Variants in AUTS2 observed in about 807,000 individuals in gnomAD.
AUTS2 encodes the protein autism susceptibility gene 2 protein.
A neutral mutation model predicts 112.4 loss-of-function variants in AUTS2; 17 were observed. That is an observed-to-expected ratio of 0.15 (90% CI 0.10 to 0.23). The LOEUF is 0.23. AUTS2 is among the 10% of genes least tolerant of loss of function. The pLI is 1.00. For missense variants in AUTS2, 1,510 were observed against 1,701.6 expected (o/e 0.89, Z 1.98); for synonymous variants, 751 against 702.7 (o/e 1.07, Z -1.09).
intron 5 of AUTS2, among the ~76,000 whole-genome samples, chr7:70,526,394 G>T (rs191575368): frequency 2.8e-4 from 43 of 152,274 alleles, no homozygotes; most frequent in African/African-American, 9.6e-4. Context: ...TTCTGAGGCC[G>T]TGTGCGGTGG....
At chr7:70,256,593 T>C (rs1369175464) in intron 4 of AUTS2, among the ~76,000 whole-genome samples, 1 of 152,154 alleles carries the variant, frequency 6.6e-6, no homozygotes, top group Non-Finnish European at 1.5e-5. Context: ...GTCCTGCAAG[T>C]TGGTATTATC....
intron 1 of AUTS2, among the ~76,000 whole-genome samples, chr7:69,888,763 G>C (rs1008911567): frequency 1.3e-5 from 2 of 151,234 alleles, no homozygotes; most frequent in Non-Finnish European, 2.9e-5. Context: ...TAGTAGAGAC[G>C]GGGTTTTACC....
chr7:70,221,668 C>T (rs1039796583), intron 4 of AUTS2, among the ~76,000 whole-genome samples: 1 of 152,222 alleles, frequency 6.6e-6, no homozygotes, highest in African/African-American at 2.4e-5. Flanking sequence ...GGGCAGATCA[C>T]CTGAGGTCAG....
At chr7:70,558,348 C>T (rs1801336789) in intron 5 of AUTS2, among the ~76,000 whole-genome samples, 1 of 152,148 alleles carries the variant, frequency 6.6e-6, no homozygotes, top group Non-Finnish European at 1.5e-5. Flanking sequence ...TTTCAACTGT[C>T]CCAGCTCTTC....
chr7:70,646,763 T>C (rs1177862835), intron 5 of AUTS2, among the ~76,000 whole-genome samples: 1 of 152,202 alleles, frequency 6.6e-6, no homozygotes, highest in African/African-American at 2.4e-5. Context: ...AGGCGGCTGC[T>C]CAAGGCCCGC....
chr7:69,783,024 C>A (rs954817841), intron 1 of AUTS2, among the ~76,000 whole-genome samples: 1 of 151,698 alleles, frequency 6.6e-6, no homozygotes, highest in East Asian at 1.9e-4. Context: ...GTCCCCTGGG[C>A]ATGCCCAGCC....
At chr7:70,661,771 C>G (rs1807088012) in intron 5 of AUTS2, among the ~76,000 whole-genome samples, 1 of 151,884 alleles carries the variant, frequency 6.6e-6, no homozygotes, top group Non-Finnish European at 1.5e-5. Flanking sequence ...GGAGGTGGAC[C>G]CAGGCTGTGT....
At chr7:70,065,633 G>T (rs1162370560) in intron 2 of AUTS2, among the ~76,000 whole-genome samples, 1 of 152,082 alleles carries the variant, frequency 6.6e-6, no homozygotes, top group Admixed American at 6.5e-5. Flanking sequence ...AGAGGCGGAG[G>T]TTATGGTGAG....
intron 4 of AUTS2, among the ~76,000 whole-genome samples, chr7:70,288,422 T>G: frequency 6.6e-6 from 1 of 152,044 alleles, no homozygotes; most frequent in Admixed American, 6.6e-5. Context: ...AAAAAAGCTT[T>G]GCCAAAGGTT....
chr7:70,274,661 A>G, intron 4 of AUTS2, among the ~76,000 whole-genome samples: 1 of 152,146 alleles, frequency 6.6e-6, no homozygotes, highest in East Asian at 1.9e-4. Context: ...GATATGCTCA[A>G]GCTTAAGGTC....
At chr7:70,673,101 G>A (rs759331126) in intron 5 of AUTS2, among the ~76,000 whole-genome samples, 23 of 152,178 alleles carry the variant, frequency 1.5e-4, no homozygotes, top group Non-Finnish European at 2.6e-4. Context: ...TGGCTGGCTG[G>A]TAACACAAAT....
At chr7:69,765,973 A>G (rs1407388739) in intron 1 of AUTS2, among the ~76,000 whole-genome samples, 1 of 152,184 alleles carries the variant, frequency 6.6e-6, no homozygotes, top group Non-Finnish European at 1.5e-5. Flanking sequence ...TTTGTGGTAC[A>G]ATATAAATAA....
At chr7:70,010,841 C>G (rs147593392) in intron 2 of AUTS2, among the ~76,000 whole-genome samples, 169 of 152,300 alleles carry the variant, frequency 1.1e-3, no homozygotes, top group African/African-American at 3.8e-3. Flanking sequence ...TTGCTTCTGT[C>G]ATACTTCACC....
intron 1 of AUTS2, among the ~76,000 whole-genome samples, chr7:69,653,281 C>A (rs1795374320): frequency 6.6e-6 from 1 of 152,212 alleles, no homozygotes; most frequent in Non-Finnish European, 1.5e-5. Flanking sequence ...CATCTGTGTC[C>A]TGTCCCCAAA....
At chr7:70,596,000 C>T (rs993499840) in intron 5 of AUTS2, 5 of 152,194 alleles carry the variant, frequency 3.3e-5, no homozygotes. Flanking sequence ...GCCGCCGCAA[C>T]CCGCGCAGCA....
At chr7:70,351,644 C>T (rs956380236) in intron 4 of AUTS2, among the ~76,000 whole-genome samples, 1 of 152,168 alleles carries the variant, frequency 6.6e-6, no homozygotes, top group African/African-American at 2.4e-5. Flanking sequence ...TAACAGTATA[C>T]AAGTACCTTT....
chr7:70,417,558 A>G (rs1795039164), intron 4 of AUTS2, among the ~76,000 whole-genome samples: 1 of 152,206 alleles, frequency 6.6e-6, no homozygotes, highest in African/African-American at 2.4e-5. Context: ...CGCTCTTGGC[A>G]GCTTGCAAAC....
intron 1 of AUTS2, among the ~76,000 whole-genome samples, chr7:69,664,634 T>C (rs1440727798): frequency 2.0e-5 from 3 of 152,156 alleles, no homozygotes; most frequent in African/African-American, 7.2e-5. Flanking sequence ...CTGTGTCTCA[T>C]GCCACTACTA....
chr7:70,415,544 A>G (rs886233564), intron 4 of AUTS2, among the ~76,000 whole-genome samples: 3 of 152,230 alleles, frequency 2.0e-5, no homozygotes, highest in African/African-American at 7.2e-5. Flanking sequence ...AGTTCTACTC[A>G]TGCAGACAAA....
Sources: gnomAD v4.1 joint callset for allele counts (sites outside exome capture counted in the v4.1 genomes callset) on GRCh38, gnomAD v4.1.1 for gene constraint, MANE v1.5 for transcripts, NCBI Gene and HGNC (gene_info 2026-07-23, HGNC 2026-07-21) for gene names.